The following ELP4 variants were observed in gnomAD, a reference collection of about 807,000 sequenced individuals.
ELP4 encodes elongator complex protein 4.
In ELP4, 51 loss-of-function variants were observed where a neutral mutation model predicts 48.9. The ratio of observed to expected loss-of-function variants is 1.04; its 90% CI spans 0.83 to 1.32. The LOEUF is 1.32. Ranked by LOEUF, ELP4 falls within the 40% of genes most tolerant of loss-of-function variation. The pLI, the probability that ELP4 is intolerant of heterozygous loss-of-function variation, is 0.00. For missense variants in ELP4, 519 were observed against 514.6 expected (o/e 1.01, Z -0.08); for synonymous variants, 210 against 189.2 (o/e 1.11, Z -0.90).
chr11:31,753,902 G>T (rs563768545), intron 9 of ELP4, among the ~76,000 whole-genome samples: 2 of 152,268 alleles, frequency 1.3e-5, no homozygotes, highest in African/African-American at 4.8e-5. Context: ...CTCTAGAGAG[G>T]TATGGAGTAG....
intron 1 of ELP4, chr11:31,511,390 G>T (rs887026672): frequency 6.6e-6 from 1 of 152,046 alleles, no homozygotes; most frequent in African/African-American, 2.4e-5. Flanking sequence ...AAACAAAAAG[G>T]TTATGTTTCT....
intron 9 of ELP4, among the ~76,000 whole-genome samples, chr11:31,707,947 A>G (rs1429617719): frequency 6.6e-6 from 1 of 152,170 alleles, no homozygotes; most frequent in Non-Finnish European, 1.5e-5. Flanking sequence ...ATCCCTAATC[A>G]CATATGAAAA....
intron 9 of ELP4, chr11:31,714,861 G>T (rs1386048239): frequency 2.5e-6 from 1 of 397,990 alleles, no homozygotes; most frequent in Non-Finnish European, 4.4e-6. Flanking sequence ...AATTACATTG[G>T]ACCCACTTAA....
intron 1 of ELP4, among the ~76,000 whole-genome samples, chr11:31,518,671 T>C (rs1302896183): frequency 1.3e-5 from 2 of 151,414 alleles, no homozygotes; most frequent in Admixed American, 6.6e-5. Context: ...TCCAGGCAGG[T>C]GAATCACGAG....
chr11:31,750,531 G>C (rs1322975248), intron 9 of ELP4, among the ~76,000 whole-genome samples: 1 of 152,152 alleles, frequency 6.6e-6, no homozygotes, highest in Non-Finnish European at 1.5e-5. Context: ...CTTGCCTGAA[G>C]TTACAACCTG....
intron 9 of ELP4, chr11:31,682,094 T>G: frequency 7.9e-7 from 1 of 1,258,650 alleles, no homozygotes; most frequent in Non-Finnish European, 1.0e-6. Context: ...ATACTGATGT[T>G]GATTTAGTGC....
chr11:31,777,045 A>G (rs751473052), intron 9 of ELP4, among the ~76,000 whole-genome samples: 5 of 152,162 alleles, frequency 3.3e-5, no homozygotes, highest in Non-Finnish European at 5.9e-5. Context: ...TGCATCCTCC[A>G]CATTGCAAAT....
chr11:31,779,090 T>A (rs921004539), intron 9 of ELP4, among the ~76,000 whole-genome samples: 1 of 152,210 alleles, frequency 6.6e-6, no homozygotes, highest in African/African-American at 2.4e-5. Flanking sequence ...TTAATGCTTA[T>A]TTCTGTGATC....
At chr11:31,765,362 A>G (rs944228657) in intron 9 of ELP4, among the ~76,000 whole-genome samples, 7 of 152,224 alleles carry the variant, frequency 4.6e-5, no homozygotes, top group Admixed American at 4.6e-4. Context: ...AAACACTGAT[A>G]GATGATATCA....
At chr11:31,747,588 T>G (rs1463421497) in intron 9 of ELP4, among the ~76,000 whole-genome samples, 1 of 152,182 alleles carries the variant, frequency 6.6e-6, no homozygotes, top group Non-Finnish European at 1.5e-5. Flanking sequence ...GGGCAACCTG[T>G]GGTCACCCAA....
intron 9 of ELP4, among the ~76,000 whole-genome samples, chr11:31,736,649 A>C (rs1248774608): frequency 6.6e-6 from 1 of 152,228 alleles, no homozygotes; most frequent in Non-Finnish European, 1.5e-5. Flanking sequence ...AAACAACCTC[A>C]TCAAAAAGTG....
intron 9 of ELP4, among the ~76,000 whole-genome samples, chr11:31,739,550 T>C (rs1341463705): frequency 8.5e-5 from 13 of 152,188 alleles, no homozygotes; most frequent in African/African-American, 3.1e-4. Context: ...AACTTTAAAG[T>C]ACAATCTAGT....
At chr11:31,562,307 A>T (rs1004399652) in intron 3 of ELP4, among the ~76,000 whole-genome samples, 1 of 152,172 alleles carries the variant, frequency 6.6e-6, no homozygotes, top group Non-Finnish European at 1.5e-5. Context: ...TAATCCTTTC[A>T]TTTTGAATAC....
Position 31,598,206 on chromosome 11 carries a change from G to A in ELP4, c.513+3305G>A, listed in dbSNP as rs193232779. Among the ~76,000 whole-genome samples, 286 of 151,940 alleles carry A rather than the reference G, an allele frequency of 1.9e-3. 4 individuals carry two copies. The East Asian group carries it at 0.026, about 14-fold the overall frequency. On this transcript the variant is annotated intron_variant, in intron 4 of 9. Coordinates refer to ENST00000640961, the MANE Select transcript of ELP4 (RefSeq NM_019040.5). ...CCTGACCTCGTGATCCGCCGACCTC[G>A]GCCTCCGAAAGTGTTGGGATTACAG...
intron 9 of ELP4, among the ~76,000 whole-genome samples, chr11:31,735,863 G>A (rs1211569266): frequency 6.6e-6 from 1 of 152,150 alleles, no homozygotes; most frequent in Non-Finnish European, 1.5e-5. Context: ...ATGCTCATGA[G>A]TAGGAAGAAT....
intron 9 of ELP4, among the ~76,000 whole-genome samples, chr11:31,720,224 A>G (rs1946931244): frequency 6.6e-6 from 1 of 152,214 alleles, no homozygotes; most frequent in Non-Finnish European, 1.5e-5. Context: ...GGAACTTAAT[A>G]TGTAAACAAT....
chr11:31,616,460 A>G (rs1180972626), intron 5 of ELP4, among the ~76,000 whole-genome samples: 1 of 152,100 alleles, frequency 6.6e-6, no homozygotes, highest in Admixed American at 6.6e-5. Flanking sequence ...AAGATTCAAA[A>G]CTATTAAAAT....
At chr11:31,607,465 A>G (rs1957897247) in intron 5 of ELP4, among the ~76,000 whole-genome samples, 1 of 152,228 alleles carries the variant, frequency 6.6e-6, no homozygotes, top group African/African-American at 2.4e-5. Flanking sequence ...GTGTTCTCAC[A>G]TGGCAGAATG....
intron 3 of ELP4, among the ~76,000 whole-genome samples, chr11:31,593,074 C>T (rs1957611810): frequency 6.6e-6 from 1 of 152,184 alleles, no homozygotes; most frequent in Admixed American, 6.5e-5. Context: ...CCAATATTGA[C>T]AATACAAAAT....
Sources: gnomAD v4.1 joint callset for allele counts (sites outside exome capture counted in the v4.1 genomes callset) on GRCh38, gnomAD v4.1.1 for gene constraint, MANE v1.5 for transcripts, NCBI Gene and HGNC (gene_info 2026-07-23, HGNC 2026-07-21) for gene names.